Variants in PALM observed in about 807,000 individuals in gnomAD.
The protein encoded by PALM is paralemmin-1.
Under a neutral mutation model 30.7 loss-of-function variants are expected in PALM, and 18 were observed. The observed-to-expected ratio is 0.59, with a 90% CI of 0.41 to 0.87. PALM has a LOEUF of 0.87. PALM is among the 40% of genes least tolerant of loss of function. The probability of loss-of-function intolerance (pLI) is 0.00; values close to 1 mark genes in which losing one functional copy is unlikely to be tolerated. For missense variants in PALM, 529 were observed against 555.4 expected (o/e 0.95, Z 0.48); for synonymous variants, 286 against 242.8 (o/e 1.18, Z -1.66).
intron 4 of PALM, among the ~76,000 whole-genome samples, chr19:730,062 T>C (rs550922056): frequency 4.4e-4 from 67 of 152,344 alleles, no homozygotes; most frequent in African/African-American, 1.5e-3. Flanking sequence ...GCAGCCTGCT[T>C]CTCAGGTGCT....
chr19:714,735 C>T (rs904664465), intron 1 of PALM, among the ~76,000 whole-genome samples: 1 of 152,032 alleles, frequency 6.6e-6, no homozygotes, highest in African/African-American at 2.4e-5. Context: ...CTGCAGCCTC[C>T]ACGCCCCGGG....
intron 1 of PALM, among the ~76,000 whole-genome samples, chr19:713,811 G>A (rs901012885): frequency 6.6e-6 from 1 of 152,040 alleles, no homozygotes; most frequent in African/African-American, 2.4e-5. Flanking sequence ...CGAACTCCTG[G>A]CCTCAAGTGA....
chr19:747,130 T>G lies in PALM; in HGVS notation c.*316T>G, dbSNP rs1007484278. 6.6e-6 allele frequency: 2 copies of G among 302,866 alleles called. No homozygotes were observed. Among genetic ancestry groups the G allele is most frequent in the Non-Finnish European group, 1.2e-5 (2 of 161,264 alleles). 18.8% of individuals were successfully genotyped at this position (302,866 alleles called of 1,614,324 possible). Reference sequence around the variant, plus strand: ...CAGACGCGGCTCGCGCCCACCGGGGTCCTGGCGGGTGGGACCCGCAGCCTC... The same window carrying G: ...CAGACGCGGCTCGCGCCCACCGGGGGCCTGGCGGGTGGGACCCGCAGCCTC... On this transcript the variant is annotated 3_prime_UTR_variant, in exon 9 of 9. Transcript: ENST00000338448.
At chr19:736,515 C>T (rs1395264314) in intron 7 of PALM, among the ~76,000 whole-genome samples, 1 of 152,208 alleles carries the variant, frequency 6.6e-6, no homozygotes, top group Non-Finnish European at 1.5e-5. Context: ...GCAACCAAGC[C>T]AGGTCCCCAG....
intron 1 of PALM, among the ~76,000 whole-genome samples, chr19:715,529 A>AGGATGCACCTTGT (rs1193336242): frequency 2.2e-4 from 33 of 152,356 alleles, no homozygotes; most frequent in African/African-American, 7.2e-4. Flanking sequence ...GGCAGGCAGA[A>AGGATGCACCTTGT]GGATGCACCT....
At chr19:723,888 G>T (rs1026062383) in intron 1 of PALM, among the ~76,000 whole-genome samples, 3 of 152,116 alleles carry the variant, frequency 2.0e-5, no homozygotes, top group Non-Finnish European at 4.4e-5. Context: ...GAGCCACCGC[G>T]CCCGGCCTGC....
At position 732,068 on chromosome 19, in the gene PALM, C is replaced by T. The variant is rs2032894986; in HGVS notation, c.420+823C>T. Among the ~76,000 whole-genome samples, 3 of 152,088 alleles carry T rather than the reference C, an allele frequency of 2.0e-5. No homozygotes were observed. The South Asian group carries it at 6.2e-4, about 32-fold the overall frequency. ...CACAGCTCACTGCAGCCTCGACTTC[C>T]CCAGCTCCAGCGATCCTCCTGCCTC... On this transcript the variant is annotated intron_variant, in intron 5 of 8. Coordinates refer to ENST00000338448, the MANE Select transcript of PALM (RefSeq NM_002579.3).
At chr19:737,602 A>C (rs577102190) in intron 7 of PALM, among the ~76,000 whole-genome samples, 3 of 152,030 alleles carry the variant, frequency 2.0e-5, no homozygotes, top group African/African-American at 4.8e-5. Context: ...CTGAGCAAAG[A>C]CCCAGAGGTG....
rs754375608 is a variant in PALM at position 734,187 on chromosome 19, G to A, written c.435G>A (p.Thr145=). 1.5e-5 allele frequency: 25 copies of A among 1,613,576 alleles called. No individual in the cohort carries two copies. The highest frequency in any genetic ancestry group is 1.9e-5 in the Non-Finnish European group (22 of 1,179,824). The change falls in exon 6 of 9, where the codon ACG becomes ACA. Residue 145 remains threonine, a synonymous_variant. Coordinates refer to ENST00000338448, the MANE Select transcript of PALM (RefSeq NM_002579.3). The stretch of plus-strand genomic sequence containing the variant: ...CTTTCTTGCAGACGCCGGTGGGCAC[G>A]CCCAAAGGTAGGACCTCTGGAAGGA... ...VMNSQQTPVG[T]PKDKRVSNTP... is the part of the protein sequence containing the mutation.
rs1382640024 is a variant in PALM at position 746,820 on chromosome 19, C to T, written c.*6C>T. The T allele has an allele frequency of 3.4e-6, 5 of 1,491,486 alleles. No individual in the cohort carries two copies. Among genetic ancestry groups the T allele is most frequent in the Admixed American group, 2.1e-5 (1 of 47,770 alleles). 92.4% of individuals were successfully genotyped at this position (1,491,486 alleles called of 1,614,324 possible). A position where few individuals can be genotyped will look rare whatever the true frequency, so the allele number is the denominator to read the frequency against. ...AATGCTGCTCCATCATGTGAGCCGGCCCCCGAGACCCCGGCCCCCACCCCA... is the reference window on the plus strand; with the variant it reads ...AATGCTGCTCCATCATGTGAGCCGGTCCCCGAGACCCCGGCCCCCACCCCA... On this transcript the variant is annotated 3_prime_UTR_variant, in exon 9 of 9. Coordinates refer to ENST00000338448, the MANE Select transcript of PALM (RefSeq NM_002579.3). The surrounding 1 kb of genome is among the most constrained non-coding windows in gnomAD (Gnocchi z 7.1).
At chr19:735,972 C>G in intron 6 of PALM, 47 bp from the exon 7 acceptor site, 1 of 1,536,954 alleles carries the variant, frequency 6.5e-7, no homozygotes, top group Non-Finnish European at 8.9e-7. Context: ...TCCATGTGAC[C>G]TCTCCTCTGA....
At chr19:738,640 C>T (rs1432545985) in intron 7 of PALM, among the ~76,000 whole-genome samples, 1 of 152,048 alleles carries the variant, frequency 6.6e-6, no homozygotes, top group Non-Finnish European at 1.5e-5. Flanking sequence ...GAGTGGGGCC[C>T]CTGTGGATAG....
rs1455074040 is a variant in PALM, at chr19:709,602, C to T, written c.5+451C>T. Among the ~76,000 whole-genome samples, 1 of 151,734 alleles carries T rather than the reference C, an allele frequency of 6.6e-6. No individual in the cohort carries two copies. Among genetic ancestry groups the T allele is most frequent in the African/African-American group, 2.4e-5 (1 of 41,328 alleles). ...CCCAGTCTGAGCGCACGGCTCCTGG[C>T]GCCCTGGACGCGCGCGCGGGCCGGT... On this transcript the variant is annotated intron_variant, in intron 1 of 8. Coordinates refer to ENST00000338448, the MANE Select transcript of PALM (RefSeq NM_002579.3). This position sits in a 1 kb window ranked among gnomAD's most constrained non-coding sequence, Gnocchi z 4.3.
intron 6 of PALM, chr19:735,111 G>A (rs62131303): frequency 0.062 from 34,593 of 557,770 alleles, 4,186 homozygotes; most frequent in Admixed American, 0.31. Context: ...GGGGGTCCAG[G>A]TGCCTGTGTC....
intron 1 of PALM, among the ~76,000 whole-genome samples, chr19:710,211 C>T (rs1226394799): frequency 6.6e-6 from 1 of 152,218 alleles, no homozygotes; most frequent in Non-Finnish European, 1.5e-5. Context: ...CGCCAACTTT[C>T]CCCGGGGATT....
chr19:726,642 A>G (rs1240416338), intron 2 of PALM, among the ~76,000 whole-genome samples: 1 of 152,050 alleles, frequency 6.6e-6, no homozygotes, highest in East Asian at 1.9e-4. Flanking sequence ...AGCTGGGATT[A>G]TGAGTGACCG....
intron 8 of PALM, among the ~76,000 whole-genome samples, chr19:740,753 G>A (rs1268531980): frequency 6.6e-6 from 1 of 152,216 alleles, no homozygotes; most frequent in Non-Finnish European, 1.5e-5. Flanking sequence ...CTGGGCTCTG[G>A]AGGGAAATCC....
chr19:736,111 C>T, intron 7 of PALM, 33 bp downstream of exon 7: 1 of 1,552,374 alleles, frequency 6.4e-7, no homozygotes, highest in Non-Finnish European at 8.8e-7. Context: ...GGCCCCAGAT[C>T]CAGCCGCTGT....
In PALM at chr19:726,998, C is replaced by CCA; in HGVS notation, c.58-10_58-9insCA. 1.4e-6 allele frequency: 2 copies of CCA among 1,460,790 alleles called. No homozygotes were observed. Among genetic ancestry groups the CCA allele is most frequent in the Non-Finnish European group, 1.9e-6 (2 of 1,070,940 alleles). The allele number at this position is 1,460,790 out of a possible 1,614,324, so 90.5% of individuals were successfully genotyped here. ...CGCCCATCCCTGACCCCACCCGGCCCTCCCCACAGGAGAAGCGGAAGCGGC... is the reference window on the plus strand; with the variant it reads ...CGCCCATCCCTGACCCCACCCGGCCCCATCCCCACAGGAGAAGCGGAAGCGGC... On this transcript the variant is annotated splice_polypyrimidine_tract_variant and intron_variant, in intron 2 of 8. Coordinates refer to ENST00000338448, the MANE Select transcript of PALM (RefSeq NM_002579.3).
Sources: gnomAD v4.1 joint callset for allele counts (sites outside exome capture counted in the v4.1 genomes callset) on GRCh38, gnomAD v4.1.1 for gene constraint, Gnocchi (gnomAD v3.1) non-coding constraint, MANE v1.5 for transcripts, NCBI Gene and HGNC (gene_info 2026-07-23, HGNC 2026-07-21) for gene names.